The following TMEM204 variants were observed in gnomAD, a reference collection of about 807,000 sequenced individuals.
TMEM204 encodes the protein claudin-like protein 24.
TMEM204 carries 15 observed loss-of-function variants against 19.4 expected under a neutral mutation model. That is an observed-to-expected ratio of 0.77 (90% CI 0.52 to 1.19). The LOEUF is 1.19. Ranked by LOEUF, TMEM204 falls within the 50% of genes most tolerant of loss-of-function variation. TMEM204 has a pLI of 0.00. For missense variants in TMEM204, 287 were observed against 321.2 expected (o/e 0.89, Z 0.81); for synonymous variants, 161 against 146.0 (o/e 1.10, Z -0.74).
At chr16:1,531,088 C>T (rs2030436085), upstream of TMEM204, 1 of 152,402 alleles carries the variant, frequency 6.6e-6, no homozygotes, top group African/African-American at 2.4e-5. The surrounding 1 kb of genome is among the most constrained non-coding windows in gnomAD (Gnocchi z 4.7). Context: ...CACATCCTCT[C>T]CGCGACGGCC....
chr16:1,548,244 CCA>C (rs1435035420), intron 2 of TMEM204, among the ~76,000 whole-genome samples: 1 of 152,148 alleles, frequency 6.6e-6, no homozygotes, highest in East Asian at 1.9e-4. Context: ...CCAGTTGCAC[CCA>C]GTTTGCTAGC....
intron 1 of TMEM204, among the ~76,000 whole-genome samples, chr16:1,537,921 T>C (rs1011621399): frequency 3.9e-5 from 6 of 152,038 alleles, no homozygotes; most frequent in African/African-American, 1.2e-4. Context: ...TGAATACAGG[T>C]GGAGGACAGA....
At chr16:1,554,053 G>A (rs747116643) in intron 2 of TMEM204, 1 of 1,287,210 alleles carries the variant, frequency 7.8e-7, no homozygotes. Flanking sequence ...GGAAAGAGAG[G>A]GGAAAGCATG....
rs374245889 is a variant in TMEM204 at position 1,554,804 on chromosome 16, C to T, written c.459C>T (p.Leu153=). 21 of 1,614,158 alleles carry T rather than the reference C, an allele frequency of 1.3e-5. No individual in the cohort carries two copies. The Admixed American group carries it at 1.3e-4, about 10-fold the overall frequency. Residue 153 remains leucine (L), a synonymous_variant, in exon 3 of 3, where the codon CTC becomes CTT. Transcript: ENST00000566264. ...QLASFVLVIG[L]VTFYRIGPYT... ...CAGGTTTTGTCCTGGTCATCGGGCT[C>T]GTGACTTTCTACAGAATTGGCCCAT...
intron 1 of TMEM204, among the ~76,000 whole-genome samples, chr16:1,538,388 C>T (rs1468831004): frequency 6.6e-6 from 1 of 152,202 alleles, no homozygotes; most frequent in Non-Finnish European, 1.5e-5. Flanking sequence ...ATTCCCAGCT[C>T]CCAGGAACCT....
chr16:1,552,680 G>A (rs372040317), intron 2 of TMEM204, among the ~76,000 whole-genome samples: 1 of 135,600 alleles, frequency 7.4e-6, no homozygotes, highest in Non-Finnish European at 1.5e-5. Flanking sequence ...ATGGAGTCTC[G>A]CTCTGTCGCC....
chr16:1,534,458 T>C lies in TMEM204; in HGVS notation c.183T>C (p.Pro61=), dbSNP rs2030847303. The C allele has an allele frequency of 1.9e-6, 3 of 1,611,228 alleles. No individual in the cohort carries two copies. The highest frequency in any genetic ancestry group is 2.5e-6 in the Non-Finnish European group (3 of 1,179,752). ...ACAGGACCCGGGGAGGGCCGAGCCCTGGGGCCAGAGCCGGCCAGGTGGACG... is the reference window on the plus strand; with the variant it reads ...ACAGGACCCGGGGAGGGCCGAGCCCCGGGGCCAGAGCCGGCCAGGTGGACG... ...LVDRTRGGPS[P]GARAGQVDAH... is the part of the protein sequence containing the mutation. The change falls in exon 1 of 3, where the codon CCT becomes CCC. Residue 61 remains proline (P), a synonymous_variant. Coordinates refer to ENST00000566264, the MANE Select transcript of TMEM204 (RefSeq NM_024600.6).
chr16:1,531,978 T>C (rs2030543570), upstream of TMEM204: 1 of 152,236 alleles, frequency 6.6e-6, no homozygotes, highest in African/African-American at 2.4e-5. This position sits in a 1 kb window ranked among gnomAD's most constrained non-coding sequence, Gnocchi z 4.7. Context: ...AATGGTTTAG[T>C]TAATTAAGGA....
At position 1,553,932 on chromosome 16, in the gene TMEM204, A is replaced by G; in HGVS notation, c.437-850A>G. On this transcript the variant is annotated intron_variant, in intron 2 of 2. Coordinates refer to ENST00000566264, the MANE Select transcript of TMEM204 (RefSeq NM_024600.6). The surrounding 1 kb of genome is among the most constrained non-coding windows in gnomAD (Gnocchi z 4.4). ...CTAAAAAGGTCTTTGGAGCTCCTCA[A>G]AGATAAAACTGTAAGTGAAACTGTA... 7.8e-7 allele frequency: 1 copy of G among 1,285,170 alleles called. No homozygotes were observed. Among genetic ancestry groups the G allele is most frequent in the Non-Finnish European group, 1.0e-6 (1 of 987,066 alleles). The allele number at this position is 1,285,170 out of a possible 1,614,324, so 79.6% of individuals were successfully genotyped here. A position where few individuals can be genotyped will look rare whatever the true frequency, so the allele number is the denominator to read the frequency against.
chr16:1,538,484 C>T (rs770305180), intron 1 of TMEM204, among the ~76,000 whole-genome samples: 33 of 152,336 alleles, frequency 2.2e-4, no homozygotes, highest in Non-Finnish European at 3.4e-4. Flanking sequence ...GGCTATGCTC[C>T]TCCCAGGGCA....
chr16:1,536,029 C>T (rs904370175), intron 1 of TMEM204, among the ~76,000 whole-genome samples: 2 of 152,236 alleles, frequency 1.3e-5, no homozygotes, highest in African/African-American at 4.8e-5. Flanking sequence ...CTTTAGGCCC[C>T]TGGAGGTGGG....
intron 2 of TMEM204, among the ~76,000 whole-genome samples, chr16:1,542,548 G>T (rs2031749900): frequency 6.6e-6 from 1 of 152,220 alleles, no homozygotes; most frequent in African/African-American, 2.4e-5. Context: ...GCCTAGGAAG[G>T]CCAAGGCATG....
intron 2 of TMEM204, among the ~76,000 whole-genome samples, chr16:1,546,973 T>G (rs1355346475): frequency 2.0e-5 from 3 of 152,218 alleles, no homozygotes; most frequent in Non-Finnish European, 2.9e-5. Context: ...CCCCAGTCGG[T>G]GCTCACATGA....
At chr16:1,530,188 G>C (rs1319035974), upstream of TMEM204, among the ~76,000 whole-genome samples, 2 of 141,574 alleles carry the variant, frequency 1.4e-5, no homozygotes, top group African/African-American at 5.6e-5. Context: ...CACCAGGCTG[G>C]AGTGTGGTGG....
At chr16:1,545,789 G>A (rs556939719) in intron 2 of TMEM204, among the ~76,000 whole-genome samples, 3 of 152,246 alleles carry the variant, frequency 2.0e-5, no homozygotes, top group African/African-American at 4.8e-5. Flanking sequence ...AAAGAGAGGC[G>A]ATGGGGCCTG....
Position 1,541,947 on chromosome 16 carries a change from A to G in TMEM204, c.307A>G (p.Asn103Asp). The G allele has an allele frequency of 6.2e-7, 1 of 1,608,314 alleles. No homozygotes were observed. The highest frequency in any genetic ancestry group is 1.1e-5 in the South Asian group (1 of 90,680). ...KLQFDMMRACNLVATAALTAG... is the reference protein window; with the variant it reads ...KLQFDMMRACDLVATAALTAG... ...GCAGTTCGACATGATGCGCGCCTGCAACCTGGTGGCCACGGCCGCGCTCAC... is the reference window on the plus strand; with the variant it reads ...GCAGTTCGACATGATGCGCGCCTGCGACCTGGTGGCCACGGCCGCGCTCAC... Residue 103 changes from asparagine to aspartate, a missense_variant, in exon 2 of 3, where the codon AAC becomes GAC. Transcript: ENST00000566264.
chr16:1,534,109 C>A lies in TMEM204; in HGVS notation c.-167C>A. ...GTGCAGGAAGGAGGATAAGGCCGGG[C>A]CGAGAGGCGGCACACCTGGACCATC... On this transcript the variant is annotated 5_prime_UTR_variant, in exon 1 of 3. Coordinates refer to ENST00000566264, the MANE Select transcript of TMEM204 (RefSeq NM_024600.6). 1.3e-6 allele frequency: 1 copy of A among 799,030 alleles called. No homozygotes were observed. The highest frequency in any genetic ancestry group is 1.9e-6 in the Non-Finnish European group (1 of 531,214). The allele number at this position is 799,030 out of a possible 1,614,324, so 49.5% of individuals were successfully genotyped here. A position where few individuals can be genotyped will look rare whatever the true frequency, so the allele number is the denominator to read the frequency against.
intron 2 of TMEM204, among the ~76,000 whole-genome samples, chr16:1,550,171 C>A (rs1294271593): frequency 6.6e-6 from 1 of 152,114 alleles, no homozygotes; most frequent in Non-Finnish European, 1.5e-5. Flanking sequence ...AACTCCCGGG[C>A]TCAAGCAATC....
At chr16:1,544,448 G>A (rs2031966331) in intron 2 of TMEM204, among the ~76,000 whole-genome samples, 2 of 151,894 alleles carry the variant, frequency 1.3e-5, no homozygotes, top group Admixed American at 6.6e-5. Context: ...GCCTCCCAAA[G>A]TGCTAGGATT....
Sources: allele counts gnomAD v4.1 joint callset (sites outside exome capture counted in the v4.1 genomes callset), GRCh38; gene constraint gnomAD v4.1.1; non-coding constraint Gnocchi (gnomAD v3.1); transcripts MANE v1.5; gene names NCBI Gene and HGNC (gene_info 2026-07-23, HGNC 2026-07-21).